Variants in NBEA observed in about 807,000 individuals in gnomAD.
NBEA encodes the protein neurobeachin.
NBEA carries 44 observed loss-of-function variants against 343.4 expected under a neutral mutation model. The observed-to-expected ratio is 0.13, with a 90% CI of 0.10 to 0.16. NBEA has a LOEUF of 0.16. Among genes scored for constraint, NBEA ranks in the 10% least tolerant of loss-of-function variants. The pLI, the probability that NBEA is intolerant of heterozygous loss-of-function variation, is 1.00. For synonymous variants in NBEA, 1,175 were observed against 1,238.7 expected, an observed-to-expected ratio of 0.95 and a Z score of 1.08; for missense variants, 2,555 against 3,631.3, an observed-to-expected ratio of 0.70 and a Z score of 7.62.
intron 1 of NBEA, among the ~76,000 whole-genome samples, chr13:34,947,896 T>C (rs2059235659): frequency 6.6e-6 from 1 of 152,190 alleles, no homozygotes; most frequent in African/African-American, 2.4e-5. Flanking sequence ...TCAATGTGTA[T>C]GATATTACCT....
chr13:35,484,234 A>ATGTGTGTGTGTGTGTGTGTGTG (rs397851790), intron 41 of NBEA, among the ~76,000 whole-genome samples: 1 of 124,796 alleles, frequency 8.0e-6, no homozygotes, highest in Non-Finnish European at 1.7e-5. Context: ...CTACATTAAT[A>ATGTGTGTGTGTGTGTGTGTGTG]TGTGTGTGTG....
In NBEA at chr13:35,346,938, T is replaced by C. The variant is rs536305376; in HGVS notation, c.5904-2170T>C. On this transcript the variant is annotated intron_variant, in intron 36 of 58. Transcript: ENST00000379939. Reference sequence around the variant, plus strand: ...CTAAAATAAAGGAACCATTCACCTGTCGGTTTTTATGGAAGATGCCACAAA... The same window carrying C: ...CTAAAATAAAGGAACCATTCACCTGCCGGTTTTTATGGAAGATGCCACAAA... 2.7e-3 allele frequency among the ~76,000 whole-genome samples: 407 copies of C among 152,232 alleles called. 3 individuals are homozygous for C. Among genetic ancestry groups the C allele is most frequent in the African/African-American group, 9.1e-3 (380 of 41,562 alleles).
At chr13:35,072,698 A>G (rs1354496638) in intron 10 of NBEA, among the ~76,000 whole-genome samples, 3 of 152,078 alleles carry the variant, frequency 2.0e-5, no homozygotes, top group Non-Finnish European at 4.4e-5. Flanking sequence ...AGCAGCTGGG[A>G]TTACAGGCAC....
chr13:35,584,034 G>A lies in NBEA; in HGVS notation c.7172G>A (p.Arg2391Gln), dbSNP rs750521442. The A allele has an allele frequency of 1.3e-5, 21 of 1,612,832 alleles. No individual in the cohort carries two copies. Among genetic ancestry groups the A allele is most frequent in the African/African-American group, 4.0e-5 (3 of 74,866 alleles). Reference sequence around the variant, plus strand: ...ACATCTACTTTATCCTGGCTTGTTCGAATTGTGAGTATCTTCATTGAGTTA... The same window carrying A: ...ACATCTACTTTATCCTGGCTTGTTCAAATTGTGAGTATCTTCATTGAGTTA... ...TATSTLSWLV[R>Q]IEPFTTFFLN... Residue 2391 changes from arginine (R) to glutamine (Q), a missense_variant, in exon 46 of 59, where the codon CGA (arginine) becomes CAA (glutamine). Arg to Gln is a conservative substitution (Grantham distance 43). Around this residue, in one of 21 missense-constraint regions of NBEA, gnomAD observed 156 missense variants for 185.8 expected, o/e 0.84. Coordinates refer to ENST00000379939, the MANE Select transcript of NBEA (RefSeq NM_001385012.1).
intron 41 of NBEA, among the ~76,000 whole-genome samples, chr13:35,545,302 C>CTTG (rs2079013939): frequency 1.3e-5 from 2 of 152,024 alleles, no homozygotes; most frequent in Non-Finnish European, 2.9e-5. Flanking sequence ...AAGCAGCATC[C>CTTG]CCTCCGGTCA....
intron 11 of NBEA, among the ~76,000 whole-genome samples, chr13:35,104,997 T>C (rs2065843991): frequency 6.6e-6 from 1 of 151,952 alleles, no homozygotes; most frequent in Non-Finnish European, 1.5e-5. Context: ...ACCTAGGTTT[T>C]TGAGAAGACT....
At chr13:35,425,109 C>T (rs2044567177) in intron 38 of NBEA, among the ~76,000 whole-genome samples, 2 of 152,116 alleles carry the variant, frequency 1.3e-5, no homozygotes, top group African/African-American at 4.8e-5. Context: ...CTCCTGGATT[C>T]ATTAATTTTT....
chr13:35,408,372 A>G (rs1468610112), intron 38 of NBEA, among the ~76,000 whole-genome samples: 5 of 152,236 alleles, frequency 3.3e-5, no homozygotes, highest in Non-Finnish European at 4.4e-5. Flanking sequence ...AAGATGGATT[A>G]CAGACTTAAA....
intron 41 of NBEA, among the ~76,000 whole-genome samples, chr13:35,523,711 G>C (rs1306940855): frequency 1.3e-5 from 2 of 152,088 alleles, no homozygotes; most frequent in Non-Finnish European, 2.9e-5. Flanking sequence ...TTCTATATCA[G>C]TTATTATAGC....
At chr13:35,455,490 A>T (rs890628978) in intron 40 of NBEA, among the ~76,000 whole-genome samples, 4 of 151,924 alleles carry the variant, frequency 2.6e-5, no homozygotes, top group Admixed American at 2.6e-4. Flanking sequence ...CATATAAATG[A>T]TGCTGCTATT....
intron 34 of NBEA, among the ~76,000 whole-genome samples, chr13:35,249,570 AAAT>A (rs1240199137): frequency 2.6e-5 from 4 of 152,196 alleles, no homozygotes; most frequent in African/African-American, 9.7e-5. Flanking sequence ...AAAAAACAGA[AAAT>A]AATAAATGTT....
chr13:35,468,880 A>G (rs370211347), intron 40 of NBEA, among the ~76,000 whole-genome samples: 22 of 152,202 alleles, frequency 1.4e-4, no homozygotes, highest in East Asian at 1.4e-3. Flanking sequence ...AGGTGGATCA[A>G]CTGAGGTTAG....
In NBEA at chr13:35,178,404, G is replaced by A. The variant is rs78718764; in HGVS notation, c.4662+1301G>A. ...GAATTTTGGCCTAAAAATTCTTGGC[G>A]TAGTCATTCAGCAGTGACCTATTCA... On this transcript the variant is annotated intron_variant, in intron 28 of 58. Coordinates refer to ENST00000379939, the MANE Select transcript of NBEA (RefSeq NM_001385012.1). 5.9e-5 allele frequency among the ~76,000 whole-genome samples: 9 copies of A among 151,726 alleles called. No homozygotes were observed. The East Asian group carries it at 1.5e-3, about 26-fold the overall frequency.
chr13:35,417,196 T>A (rs1461497884), intron 38 of NBEA, among the ~76,000 whole-genome samples: 2 of 152,210 alleles, frequency 1.3e-5, no homozygotes, highest in Non-Finnish European at 1.5e-5. Context: ...AGCTCCTGGA[T>A]TCATTAATTT....
intron 49 of NBEA, among the ~76,000 whole-genome samples, chr13:35,635,306 A>G (rs964137190): frequency 4.6e-5 from 7 of 152,172 alleles, no homozygotes; most frequent in Admixed American, 3.9e-4. Context: ...TTGTAGCACA[A>G]GGTTATCCAT....
intron 17 of NBEA, among the ~76,000 whole-genome samples, chr13:35,125,155 C>G (rs776248220): frequency 6.6e-6 from 1 of 152,000 alleles, no homozygotes; most frequent in Non-Finnish European, 1.5e-5. Context: ...AATGATACAA[C>G]AAGAAGTAAA....
At chr13:35,544,587 A>G (rs2078983840) in intron 41 of NBEA, among the ~76,000 whole-genome samples, 1 of 152,170 alleles carries the variant, frequency 6.6e-6, no homozygotes, top group Non-Finnish European at 1.5e-5. Flanking sequence ...TTTCTATGAC[A>G]TTTGTATTGT....
chr13:35,299,169 A>C (rs1357934224), intron 35 of NBEA, among the ~76,000 whole-genome samples: 1 of 152,162 alleles, frequency 6.6e-6, no homozygotes, highest in East Asian at 1.9e-4. Context: ...TGATAAATAG[A>C]TATTAAAGAT....
rs115640265 is a variant in NBEA, at chr13:35,149,700, A to T, written c.2446-6074A>T. Among the ~76,000 whole-genome samples the T allele has an allele frequency of 4.5e-3, 688 of 152,204 alleles. 2 individuals are homozygous for T. Among genetic ancestry groups the T allele is most frequent in the African/African-American group, 0.016 (663 of 41,542 alleles). Reference sequence around the variant, plus strand: ...TATGTAAGTTTTTAATCATTGTTTTACCTATGTGAATTTTTGAGCATCTGC... The same window carrying T: ...TATGTAAGTTTTTAATCATTGTTTTTCCTATGTGAATTTTTGAGCATCTGC... On this transcript the variant is annotated intron_variant, in intron 18 of 58. Transcript: ENST00000379939.
Sources: allele counts gnomAD v4.1 joint callset (sites outside exome capture counted in the v4.1 genomes callset), GRCh38; gene constraint gnomAD v4.1.1; regional missense constraint gnomAD v4.1.1; transcripts MANE v1.5; gene names NCBI Gene and HGNC (gene_info 2026-07-23, HGNC 2026-07-21).